The following COPS5 variants were observed in gnomAD, a reference collection of about 807,000 sequenced individuals.
The protein encoded by COPS5 is COP9 signalosome subunit 5, also known as COP9 signalosome complex subunit 5.
A neutral mutation model predicts 44.4 loss-of-function variants in COPS5; 8 were observed. The observed-to-expected ratio is 0.18, with a 90% confidence interval of 0.11 to 0.32. COPS5 has a LOEUF of 0.32. COPS5 is among the 10% of genes least tolerant of loss of function. The probability of loss-of-function intolerance (pLI) is 1.00; values close to 1 mark genes in which losing one functional copy is unlikely to be tolerated. For synonymous variants in COPS5, 122 were observed against 142.8 expected (o/e 0.85, Z 1.04); for missense variants, 159 against 406.4 (o/e 0.39, Z 5.23).
chr8:67,049,685 G>A (rs552822100), intron 6 of COPS5, among the ~76,000 whole-genome samples: 1 of 152,184 alleles, frequency 6.6e-6, no homozygotes, highest in Admixed American at 6.5e-5. Context: ...TTCTGGAAGC[G>A]TAATGCCTCC....
Position 67,059,368 on chromosome 8 carries a change from T to A in COPS5, c.221A>T (p.Asn74Ile). 2 of 1,614,210 alleles carry A rather than the reference T, an allele frequency of 1.2e-6. No homozygotes were observed. Among genetic ancestry groups the A allele is most frequent in the Non-Finnish European group, 1.7e-6 (2 of 1,180,024 alleles). ...KMVMHARSGG[N>I]LEVMGLMLGK... ...TAGCATCAGACCCATCACTTCCAAG[T>A]TGCCTCCCGATCTGGCATGCATCAC... Residue 74 changes from asparagine to isoleucine, a missense_variant, in exon 2 of 8, where the codon AAC becomes ATC. This residue lies in a region of COPS5 where 134 missense variants were observed against 376.7 expected (regional missense o/e 0.36). Transcript: ENST00000357849.
intron 6 of COPS5, among the ~76,000 whole-genome samples, chr8:67,046,441 T>G (rs1242527992): frequency 6.6e-6 from 1 of 152,184 alleles, no homozygotes; most frequent in Non-Finnish European, 1.5e-5. Context: ...TAGTAAAGGC[T>G]TAGTAATATT....
chr8:67,044,614 T>C (rs1472943178), intron 7 of COPS5: 1 of 152,182 alleles, frequency 6.6e-6, no homozygotes, highest in Non-Finnish European at 1.5e-5. Flanking sequence ...TTTTTTTTTT[T>C]TGGAGACAGA....
At chr8:67,058,288 C>A in intron 2 of COPS5, 77 bp from the exon 3 acceptor site, 1 of 1,417,684 alleles carries the variant, frequency 7.1e-7, no homozygotes, top group East Asian at 2.4e-5. Flanking sequence ...TAAGGGTAAC[C>A]AGTCTCCTTC....
At chr8:67,055,390 A>C (rs1804487456) in intron 5 of COPS5, among the ~76,000 whole-genome samples, 1 of 152,206 alleles carries the variant, frequency 6.6e-6, no homozygotes, top group South Asian at 2.1e-4. Context: ...GAAGGGCACA[A>C]GTAGAAAGAC....
At chr8:67,060,877 C>T (rs1804591123) in intron 1 of COPS5, 2 of 170,432 alleles carry the variant, frequency 1.2e-5, no homozygotes, top group African/African-American at 2.4e-5. Flanking sequence ...AATTAAATGA[C>T]GTGGAAATCT....
intron 1 of COPS5, chr8:67,059,849 G>A (rs72654933): frequency 5.3e-6 from 1 of 188,794 alleles, no homozygotes; most frequent in Non-Finnish European, 1.1e-5. Context: ...ACATTCATCT[G>A]CTAAGGTCTG....
At chr8:67,060,849 G>A (rs984814273) in intron 1 of COPS5, 4 of 189,004 alleles carry the variant, frequency 2.1e-5, no homozygotes, top group African/African-American at 9.6e-5. Flanking sequence ...TGGATATACT[G>A]TACTGGGTTG....
At chr8:67,051,113 G>A (rs1224947049) in intron 6 of COPS5, 117 bp downstream of exon 6, 7 of 698,958 alleles carry the variant, frequency 1.0e-5, no homozygotes, top group Non-Finnish European at 1.8e-5. Context: ...TCCCACCCTA[G>A]CCCTGGTGTC....
intron 4 of COPS5, 43 bp from the exon 5 acceptor site, chr8:67,056,647 AAAAAAATATATATATATATATATATATAT>A: frequency 1.1e-5 from 1 of 91,410 alleles, no homozygotes; most frequent in Non-Finnish European, 1.7e-5. Context: ...AAAAAAAAAA[AAAAAAATATATATATATATATATATATAT>A]ATATATATAT....
chr8:67,057,439 G>T lies in COPS5; in HGVS notation c.514C>A (p.Pro172Thr). Residue 172 changes from proline (P) to threonine (T), a missense_variant, in exon 4 of 8, where the codon CCA becomes ACA. By Grantham distance (38) the Pro-to-Thr change is conservative. Transcript: ENST00000357849. ...QEPFVAVVID[P>T]TRTISAGKVN... is the part of the protein sequence containing the mutation. ...TTCCCTGCGGATATTGTTCTTGTTG[G>T]ATCAATCTATAAGAAAGATATATTT... The T allele has an allele frequency of 6.2e-7, 1 of 1,606,870 alleles. No homozygotes were observed. The highest frequency in any genetic ancestry group is 8.5e-7 in the Non-Finnish European group (1 of 1,174,716).
At chr8:67,052,794 T>A (rs1288905486) in intron 5 of COPS5, among the ~76,000 whole-genome samples, 1 of 143,000 alleles carries the variant, frequency 7.0e-6, no homozygotes, top group Non-Finnish European at 1.5e-5. Flanking sequence ...CACTCCAGCC[T>A]GGGCAACAAG....
intron 7 of COPS5, chr8:67,044,174 C>T (rs1816670953): frequency 2.6e-5 from 4 of 152,120 alleles, no homozygotes; most frequent in Admixed American, 2.0e-4. Flanking sequence ...TCCTAAGTAG[C>T]TGGAACCACA....
chr8:67,054,359 T>G (rs1437435546), intron 5 of COPS5, among the ~76,000 whole-genome samples: 1 of 152,178 alleles, frequency 6.6e-6, no homozygotes, highest in Non-Finnish European at 1.5e-5. Flanking sequence ...CTCTGAAGAT[T>G]AAAGTATCAC....
Position 67,043,087 on chromosome 8 carries a change from T to G in COPS5, c.*146A>C. On this transcript the variant is annotated 3_prime_UTR_variant, in exon 8 of 8. Transcript: ENST00000357849. ...AAAAAATCAAAGGACAATTTCATTTTAAAGAGCTTTATTACAGGATATTAA... is the reference window on the plus strand; with the variant it reads ...AAAAAATCAAAGGACAATTTCATTTGAAAGAGCTTTATTACAGGATATTAA... 2.1e-6 allele frequency: 1 copy of G among 477,818 alleles called. No individual in the cohort carries two copies. The highest frequency in any genetic ancestry group is 3.7e-6 in the Non-Finnish European group (1 of 266,882). 29.6% of individuals were successfully genotyped at this position (477,818 alleles called of 1,614,324 possible).
rs1563447315 is a variant in COPS5, at chr8:67,056,688, TATATATATATATATATATATATAA to T, written c.574-108_574-85del. The T allele has an allele frequency of 2.3e-4, 19 of 82,174 alleles. 2 individuals carry two copies. Among genetic ancestry groups the T allele is most frequent in the African/African-American group, 1.4e-3 (17 of 11,850 alleles). The allele number at this position is 82,174 out of a possible 1,614,324, so 5.1% of individuals were successfully genotyped here. On this transcript the variant is annotated intron_variant, in intron 4 of 7. Transcript: ENST00000357849. ...ATATATATATATATATATATATATA[TATATATATATATATATATATATAA>T]AAATGAGAAAAACATGTTTTCTATG...
intron 7 of COPS5, chr8:67,043,578 A>C (rs993754358): frequency 3.8e-6 from 1 of 259,754 alleles, no homozygotes; most frequent in Non-Finnish European, 7.2e-6. Context: ...AAGGTGAGTA[A>C]AATTATACAA....
chr8:67,048,112 T>A (rs557192701), intron 6 of COPS5, among the ~76,000 whole-genome samples: 1 of 151,270 alleles, frequency 6.6e-6, no homozygotes, highest in African/African-American at 2.4e-5. Context: ...CCTGTCTCTA[T>A]GAAAAAATAT....
intron 1 of COPS5, chr8:67,061,427 T>TAA (rs544829583): frequency 1.8e-5 from 7 of 394,492 alleles, no homozygotes; most frequent in South Asian, 3.8e-5. Flanking sequence ...CCATTTCTAT[T>TAA]AAAAAAAAAA....
Sources: allele counts gnomAD v4.1 joint callset (sites outside exome capture counted in the v4.1 genomes callset), GRCh38; gene constraint gnomAD v4.1.1; regional missense constraint gnomAD v4.1.1; transcripts MANE v1.5; gene names NCBI Gene and HGNC (gene_info 2026-07-23, HGNC 2026-07-21).